ZNF644: variants seen among roughly 807,000 people sequenced by gnomAD.
The protein encoded by ZNF644 is zinc finger protein 644, also known as zinc finger motif enhancer binding protein 2.
In ZNF644, 20 loss-of-function variants were observed where a neutral mutation model predicts 108.0. That is an observed-to-expected ratio of 0.19 (90% CI 0.13 to 0.27). The LOEUF is 0.27. ZNF644 is among the 10% of genes least tolerant of loss of function. ZNF644 has a pLI of 1.00. For synonymous variants in ZNF644, 542 were observed against 539.1 expected (o/e 1.01, Z -0.08); for missense variants, 1,338 against 1,548.9 (o/e 0.86, Z 2.29).
rs775136265 is a variant in ZNF644 at position 90,939,454 on chromosome 1, G to T, written c.1900C>A (p.Pro634Thr). The T allele has an allele frequency of 6.2e-7, 1 of 1,613,806 alleles. No homozygotes were observed. Among genetic ancestry groups the T allele is most frequent in the East Asian group, 2.2e-5 (1 of 44,874 alleles). Residue 634 changes from proline (P) to threonine (T), a missense_variant, in exon 3 of 6, where the codon CCT (proline) becomes ACT (threonine). Pro to Thr is a conservative substitution (Grantham distance 38). Transcript: ENST00000337393. ...GTTTTAGTGCTATCACTATCTACAG[G>T]TTCTTCAAGGATGTCATTTTTTCTT... is the stretch of plus-strand genomic sequence containing the variant. Reference protein sequence around the residue: ...DKRKNDILEEPVDSDSTKTLT... With the variant: ...DKRKNDILEETVDSDSTKTLT...
In ZNF644 at chr1:90,931,512, G is replaced by A. The variant is rs1650727279; in HGVS notation, c.3688+5973C>T. ...AGTCTATTTTGATAAAGATTGATCG[G>A]GGAAAGGAAGTAAAACAGCTTCATA... On this transcript the variant is annotated intron_variant, in intron 4 of 5. Coordinates refer to ENST00000337393, the MANE Select transcript of ZNF644 (RefSeq NM_201269.3). Among the ~76,000 whole-genome samples, 9 of 152,066 alleles carry A rather than the reference G, an allele frequency of 5.9e-5. No homozygotes were observed. In the South Asian group the frequency reaches 1.9e-3, roughly 32 times the overall value.
chr1:90,983,670 TAA>T (rs758142509), intron 1 of ZNF644, among the ~76,000 whole-genome samples: 260 of 152,212 alleles, frequency 1.7e-3, no homozygotes, highest in Admixed American at 4.4e-3. Context: ...CTCACACCTG[TAA>T]TCCCAGCACT....
Position 90,939,955 on chromosome 1 carries a change from T to C in ZNF644, c.1399A>G (p.Met467Val), listed in dbSNP as rs765845851. ...FRDRNSLLKH[M>V]IIHQERRQKL... ...TGTCTTCTCTCCTGGTGAATAATCA[T>C]ATGTTTTAGAAGTGAATTGCGATCT... Residue 467 changes from methionine to valine, a missense_variant, in exon 3 of 6, where the codon ATG becomes GTG. By Grantham distance (21) the Met-to-Val change is conservative. Transcript: ENST00000337393. 5.0e-6 allele frequency: 8 copies of C among 1,614,078 alleles called. No homozygotes were observed. The East Asian group carries it at 8.9e-5, about 18-fold the overall frequency.
chr1:90,933,556 C>T (rs1020238765), intron 4 of ZNF644, among the ~76,000 whole-genome samples: 2 of 151,960 alleles, frequency 1.3e-5, no homozygotes, highest in Non-Finnish European at 2.9e-5. Context: ...CCCAGCTACT[C>T]GGGAGGCTGA....
At chr1:90,917,028 C>G in intron 5 of ZNF644, 38 bp from the exon 6 acceptor site, 24 of 1,604,078 alleles carry the variant, frequency 1.5e-5, no homozygotes, top group Non-Finnish European at 2.0e-5. Flanking sequence ...ATGACCAATT[C>G]TCTTTCTTTA....
At position 90,940,761 on chromosome 1, in the gene ZNF644, G is replaced by A; in HGVS notation, c.593C>T (p.Ala198Val). 6.2e-7 allele frequency: 1 copy of A among 1,613,968 alleles called. No individual in the cohort carries two copies. Among genetic ancestry groups the A allele is most frequent in the Non-Finnish European group, 8.5e-7 (1 of 1,179,976 alleles). ...THSNKKLPTSASVGCDIQNSV... is the reference protein window; with the variant it reads ...THSNKKLPTSVSVGCDIQNSV... ...ATTCTGAATGTCACAACCAACTGAA[G>A]CAGAGGTAGGTAGTTTTTTATTGGA... Residue 198 changes from alanine (A) to valine (V), a missense_variant, in exon 3 of 6, where the codon GCT becomes GTT. By Grantham distance (64) the Ala-to-Val change is moderately conservative. Coordinates refer to ENST00000337393, the MANE Select transcript of ZNF644 (RefSeq NM_201269.3).
chr1:90,995,128 T>A (rs1396233589), intron 1 of ZNF644, among the ~76,000 whole-genome samples: 1 of 151,932 alleles, frequency 6.6e-6, no homozygotes, highest in African/African-American at 2.4e-5. Context: ...TGATTCTGAG[T>A]CTACCTGAAT....
chr1:90,960,184 C>T (rs1437941747), intron 2 of ZNF644, among the ~76,000 whole-genome samples: 1 of 151,902 alleles, frequency 6.6e-6, no homozygotes, highest in Non-Finnish European at 1.5e-5. Context: ...GTTTCCTTTA[C>T]ATAAAAAGGT....
At chr1:90,994,098 T>C (rs1657894728) in intron 1 of ZNF644, among the ~76,000 whole-genome samples, 2 of 152,152 alleles carry the variant, frequency 1.3e-5, no homozygotes, top group South Asian at 4.1e-4. Context: ...GAATGCTTCT[T>C]AGTACATTTG....
intron 2 of ZNF644, among the ~76,000 whole-genome samples, chr1:90,949,106 T>C (rs1652820051): frequency 6.6e-6 from 1 of 151,982 alleles, no homozygotes; most frequent in African/African-American, 2.4e-5. Context: ...AACAAATTTC[T>C]GTAAATCTGT....
Position 90,938,989 on chromosome 1 carries a change from G to T in ZNF644, c.2365C>A (p.Pro789Thr). The T allele has an allele frequency of 6.2e-7, 1 of 1,613,918 alleles. No individual in the cohort carries two copies. Among genetic ancestry groups the T allele is most frequent in the Admixed American group, 1.7e-5 (1 of 60,006 alleles). ...SNSHNNFISD[P>T]HKPDAKRPES... The stretch of plus-strand genomic sequence containing the variant: ...GGCCTTTTGGCGTCAGGCTTATGAG[G>T]GTCTGAAATAAAATTGTTGTGAGAA... Residue 789 changes from proline (P) to threonine (T), a missense_variant, in exon 3 of 6, where the codon CCT (proline) becomes ACT (threonine). Pro to Thr is a conservative substitution (Grantham distance 38). This residue lies in a region of ZNF644 where 462 missense variants were observed against 472.6 expected (regional missense o/e 0.98). Transcript: ENST00000337393. This position sits in a 1 kb window ranked among gnomAD's most constrained non-coding sequence, Gnocchi z 4.2.
intron 4 of ZNF644, among the ~76,000 whole-genome samples, chr1:90,933,155 T>C (rs912107857): frequency 4.6e-5 from 7 of 152,178 alleles, no homozygotes; most frequent in Admixed American, 1.3e-4. Context: ...TTGCAGAATT[T>C]TCAGATGAAG....
intron 1 of ZNF644, among the ~76,000 whole-genome samples, chr1:90,997,475 G>T (rs1191009717): frequency 1.3e-5 from 2 of 152,030 alleles, no homozygotes; most frequent in African/African-American, 4.8e-5. Context: ...AACAACGCTG[G>T]GGCAGAGAGG....
At chr1:91,004,085 C>T (rs1367964027) in intron 1 of ZNF644, among the ~76,000 whole-genome samples, 3 of 151,962 alleles carry the variant, frequency 2.0e-5, no homozygotes. Context: ...ATTAAACATC[C>T]CATTGTATAC....
chr1:91,007,225 GTTTTTTTTTTT>G lies in ZNF644; in HGVS notation c.-18+14754_-18+14764del, dbSNP rs35761791. ...AATTTCTTCCATTTTCTCCCATTTT[GTTTTTTTTTTT>G]TTTTTTTTTTTTTTTTTGAGACAGT... On this transcript the variant is annotated intron_variant, in intron 1 of 5. Transcript: ENST00000337393. Among the ~76,000 whole-genome samples the G allele has an allele frequency of 1.6e-3, 88 of 56,002 alleles. 2 individuals carry two copies. In the East Asian group the frequency reaches 0.037, roughly 24 times the overall value. 36.7% of individuals were successfully genotyped at this position (56,002 alleles called of 152,430 possible). A position where few individuals can be genotyped will look rare whatever the true frequency, so the allele number is the denominator to read the frequency against.
intron 1 of ZNF644, chr1:91,020,815 T>TAGTC (rs2308010): frequency 0.72 from 109,119 of 151,534 alleles, 39,714 homozygotes; most frequent in Middle Eastern, 0.79. Context: ...AGCGTGGAAT[T>TAGTC]AGGACTGGAC....
At position 90,954,960 on chromosome 1, in the gene ZNF644, T is replaced by C. The variant is rs186416523; in HGVS notation, c.45-13651A>G. ...GATCCATCAGAGGAATCACTCTAGC[T>C]ACAGCAGCTGTAGCCTTATGAAATG... On this transcript the variant is annotated intron_variant, in intron 2 of 5. Coordinates refer to ENST00000337393, the MANE Select transcript of ZNF644 (RefSeq NM_201269.3). Among the ~76,000 whole-genome samples the C allele has an allele frequency of 1.6e-3, 247 of 152,364 alleles. 1 individual carries two copies. The highest frequency in any genetic ancestry group is 2.7e-3 in the Non-Finnish European group (182 of 68,040).
intron 2 of ZNF644, among the ~76,000 whole-genome samples, chr1:90,971,981 A>G (rs1347281727): frequency 6.6e-6 from 1 of 152,188 alleles, no homozygotes; most frequent in East Asian, 1.9e-4. Context: ...ACAATGAAAC[A>G]TGCAAGTAAG....
intron 1 of ZNF644, among the ~76,000 whole-genome samples, chr1:91,013,057 T>C (rs1011022299): frequency 6.6e-6 from 1 of 152,118 alleles, no homozygotes; most frequent in Non-Finnish European, 1.5e-5. Context: ...CTCTAAATAT[T>C]AATTCAATAT....
Sources: gnomAD v4.1 joint callset for allele counts (sites outside exome capture counted in the v4.1 genomes callset) on GRCh38, gnomAD v4.1.1 for gene constraint, gnomAD v4.1.1 regional missense constraint, Gnocchi (gnomAD v3.1) non-coding constraint, MANE v1.5 for transcripts, NCBI Gene and HGNC (gene_info 2026-07-23, HGNC 2026-07-21) for gene names.